The following RYR3 variants were observed in gnomAD, a reference collection of about 807,000 sequenced individuals.
RYR3 encodes the protein brain ryanodine receptor-calcium release channel.
A neutral mutation model predicts 584.3 loss-of-function variants in RYR3; 207 were observed. The observed-to-expected ratio is 0.35, with a 90% CI of 0.32 to 0.40. The LOEUF (loss-of-function observed/expected upper bound fraction) is 0.40. Among genes scored for constraint, RYR3 ranks in the 10% least tolerant of loss-of-function variants. The pLI is 1.00. For synonymous variants in RYR3, 2,416 were observed against 2,248.5 expected (o/e 1.07, Z -2.11); for missense variants, 5,616 against 6,089.2 (o/e 0.92, Z 2.59).
At chr15:33,808,175 C>T (rs757024729) in intron 70 of RYR3, among the ~76,000 whole-genome samples, 17 of 152,170 alleles carry the variant, frequency 1.1e-4, no homozygotes, top group Non-Finnish European at 2.2e-4. Context: ...CTAGGGCACA[C>T]GCAGCTCTTA....
At position 33,311,566 on chromosome 15, in the gene RYR3, AG is replaced by A. The variant is rs1435589217; in HGVS notation, c.51+476del. On this transcript the variant is annotated intron_variant, in intron 1 of 103. Coordinates refer to ENST00000634891, the MANE Select transcript of RYR3 (RefSeq NM_001036.6). This position sits in a 1 kb window ranked among gnomAD's most constrained non-coding sequence, Gnocchi z 4.4. ...ACCTCCGGGAAGGAGCCAGCGGGGC[AG>A]GGGGGAGTGTGGGGAGCCGGGTCGG... 6.6e-6 allele frequency among the ~76,000 whole-genome samples: 1 copy of A among 152,104 alleles called. No individual in the cohort carries two copies. Among genetic ancestry groups the A allele is most frequent in the Non-Finnish European group, 1.5e-5 (1 of 67,988 alleles).
chr15:33,436,399 T>C (rs1390692120), intron 1 of RYR3, among the ~76,000 whole-genome samples: 1 of 152,186 alleles, frequency 6.6e-6, no homozygotes, highest in African/African-American at 2.4e-5. Context: ...TCATACTAGT[T>C]CTTTGGACAT....
intron 1 of RYR3, among the ~76,000 whole-genome samples, chr15:33,424,956 G>A (rs984819497): frequency 6.6e-6 from 1 of 152,120 alleles, no homozygotes; most frequent in Non-Finnish European, 1.5e-5. Context: ...AAGAAAATGG[G>A]AATATGGGAA....
In RYR3 at chr15:33,711,268, G is replaced by A. The variant is rs191994729; in HGVS notation, c.6619+4214G>A. ...TTTTTTTTTTTTTTTTTTTGAGACT[G>A]AGTCTCGTTCTGTCGCCCAGGCTGG... is the stretch of plus-strand genomic sequence containing the variant. On this transcript the variant is annotated intron_variant, in intron 43 of 103. Coordinates refer to ENST00000634891, the MANE Select transcript of RYR3 (RefSeq NM_001036.6). 8.2e-3 allele frequency among the ~76,000 whole-genome samples: 854 copies of A among 104,706 alleles called. 10 individuals are homozygous for A. Among genetic ancestry groups the A allele is most frequent in the African/African-American group, 0.031 (806 of 25,874 alleles). 68.7% of individuals were successfully genotyped at this position (104,706 alleles called of 152,430 possible). A position where few individuals can be genotyped will look rare whatever the true frequency, so the allele number is the denominator to read the frequency against.
In RYR3 at chr15:33,637,104, C is replaced by T. The variant is rs552313670; in HGVS notation, c.3556+554C>T. Among the ~76,000 whole-genome samples, 9 of 152,286 alleles carry T rather than the reference C, an allele frequency of 5.9e-5. No homozygotes were observed. The South Asian group carries it at 1.7e-3, about 28-fold the overall frequency. On this transcript the variant is annotated intron_variant, in intron 27 of 103. Coordinates refer to ENST00000634891, the MANE Select transcript of RYR3 (RefSeq NM_001036.6). ...GCATTTTTTAATGTCCATGAATAGA[C>T]CACAGTCAGGGGCACGCTTCCAGCT...
intron 1 of RYR3, among the ~76,000 whole-genome samples, chr15:33,378,683 G>A (rs888588761): frequency 1.3e-5 from 2 of 152,188 alleles, no homozygotes; most frequent in African/African-American, 2.4e-5. Context: ...ATGTTTTAAG[G>A]CCATGTGCAG....
intron 48 of RYR3, among the ~76,000 whole-genome samples, chr15:33,732,278 C>T (rs1003149191): frequency 6.6e-6 from 1 of 151,222 alleles, no homozygotes; most frequent in African/African-American, 2.4e-5. Context: ...GTCCCAGCTA[C>T]TCGGGAGGCT....
chr15:33,457,264 C>T (rs146492128), intron 1 of RYR3, among the ~76,000 whole-genome samples: 96 of 152,264 alleles, frequency 6.3e-4, no homozygotes, highest in Non-Finnish European at 1.2e-3. Context: ...GACCTTGATT[C>T]TTCTTGAAAT....
rs753292597 is a variant in RYR3 at position 33,635,764 on chromosome 15, G to A, written c.3326G>A (p.Arg1109Gln). Residue 1109 changes from arginine (R) to glutamine (Q), a missense_variant, in exon 26 of 104, where the codon CGA becomes CAA. Transcript: ENST00000634891. The part of the protein sequence containing the change: ...MRVGWARPGC[R>Q]PDVELGADDQ... ...GTCGGCTGGGCGAGGCCAGGCTGTC[G>A]ACCTGATGTCGAGCTGGGGGCCGAT... The A allele has an allele frequency of 5.4e-5, 87 of 1,613,642 alleles. No homozygotes were observed. The highest frequency in any genetic ancestry group is 6.6e-5 in the Non-Finnish European group (78 of 1,179,858).
intron 38 of RYR3, among the ~76,000 whole-genome samples, chr15:33,680,711 C>T (rs1413930807): frequency 6.6e-6 from 1 of 152,158 alleles, no homozygotes; most frequent in African/African-American, 2.4e-5. Context: ...ATTTTACATT[C>T]CTGAGGAGCA....
Position 33,838,206 on chromosome 15 carries a change from G to C in RYR3, c.12226G>C (p.Gly4076Arg). 6.2e-7 allele frequency: 1 copy of C among 1,614,052 alleles called. No individual in the cohort carries two copies. The highest frequency in any genetic ancestry group is 8.5e-7 in the Non-Finnish European group (1 of 1,179,904). ...GTTCATTTTTGATGTTGTCAATGAA[G>C]GTGGGGAGCAGGAAAAGATGGAGCT... ...RQFIFDVVNE[G>R]GEQEKMELFV... Residue 4076 changes from glycine (G) to arginine (R), a missense_variant, in exon 89 of 104, where the codon GGT becomes CGT. Gly to Arg is a moderately radical substitution (Grantham distance 125, BLOSUM62 -2). This residue lies in a region of RYR3 where 258 missense variants were observed against 297.3 expected (regional missense o/e 0.87). Transcript: ENST00000634891.
intron 47 of RYR3, among the ~76,000 whole-genome samples, chr15:33,730,504 T>C (rs889269858): frequency 2.0e-5 from 3 of 152,232 alleles, no homozygotes; most frequent in Non-Finnish European, 2.9e-5. Flanking sequence ...CTGAAGTTTC[T>C]AGGAGACAAA....
At chr15:33,854,330 T>C (rs904399547) in intron 96 of RYR3, 59 bp from the exon 97 acceptor site, 26 of 1,408,476 alleles carry the variant, frequency 1.8e-5, no homozygotes, top group Non-Finnish European at 2.4e-5. Context: ...TTCCCCCTTA[T>C]TGAGCACTTA....
intron 2 of RYR3, among the ~76,000 whole-genome samples, chr15:33,500,152 A>G (rs755000492): frequency 6.6e-6 from 1 of 152,252 alleles, no homozygotes; most frequent in Non-Finnish European, 1.5e-5. Context: ...AGGGACCCAC[A>G]GTCTGGTGAA....
At chr15:33,376,349 A>G (rs1327319267) in intron 1 of RYR3, among the ~76,000 whole-genome samples, 2 of 152,180 alleles carry the variant, frequency 1.3e-5, no homozygotes, top group Non-Finnish European at 2.9e-5. Flanking sequence ...ATATCCAACA[A>G]CTTGCTTATC....
In RYR3 at chr15:33,402,020, C is replaced by T. The variant is rs1169796515; in HGVS notation, c.52-71399C>T. 2.6e-5 allele frequency among the ~76,000 whole-genome samples: 4 copies of T among 152,000 alleles called. No homozygotes were observed. The East Asian group carries it at 7.7e-4, about 29-fold the overall frequency. On this transcript the variant is annotated intron_variant, in intron 1 of 103. Coordinates refer to ENST00000634891, the MANE Select transcript of RYR3 (RefSeq NM_001036.6). Reference sequence around the variant, plus strand: ...AGACTGAGAAAGATGAGGTTCTTCCCATGATTATTATAAAATAATAGATGG... The same window carrying T: ...AGACTGAGAAAGATGAGGTTCTTCCTATGATTATTATAAAATAATAGATGG...
chr15:33,418,497 C>A (rs895907360), intron 1 of RYR3, among the ~76,000 whole-genome samples: 7 of 151,982 alleles, frequency 4.6e-5, no homozygotes, highest in African/African-American at 1.7e-4. Context: ...AATGGAAGAG[C>A]TGGACAGAGT....
rs978813595 is a variant in RYR3, at chr15:33,853,649, A to T, written c.13766A>T (p.Glu4589Val). Residue 4589 changes from glutamate (E) to valine (V), a missense_variant, in exon 96 of 104, where the codon GAG becomes GTG. Transcript: ENST00000634891. ...GCTCTTGACTTTAGCCCAGTAGAAG[A>T]GACCAAAGCAGAAGCGGCTTCTCTG... ...KNALDFSPVE[E>V]TKAEAASLVS... 1 of 1,613,932 alleles carries T rather than the reference A, an allele frequency of 6.2e-7. No individual in the cohort carries two copies. Among genetic ancestry groups the T allele is most frequent in the Non-Finnish European group, 8.5e-7 (1 of 1,179,816 alleles).
rs1567046806 is a variant in RYR3 at position 33,336,469 on chromosome 15, AG to A, written c.51+25374del. 2.2e-3 allele frequency among the ~76,000 whole-genome samples: 51 copies of A among 23,510 alleles called. 17 individuals carry two copies. Among genetic ancestry groups the A allele is most frequent in the African/African-American group, 0.016 (49 of 3,000 alleles). 15.4% of individuals were successfully genotyped at this position (23,510 alleles called of 152,430 possible). On this transcript the variant is annotated intron_variant, in intron 1 of 103. Coordinates refer to ENST00000634891, the MANE Select transcript of RYR3 (RefSeq NM_001036.6). ...GAGAGAGAGAGAGAGAGAGAGAGAG[AG>A]AGAGAGAGAGAGAGAGAAAGAAAGA...
Sources: gnomAD v4.1 joint callset for allele counts (sites outside exome capture counted in the v4.1 genomes callset) on GRCh38, gnomAD v4.1.1 for gene constraint, gnomAD v4.1.1 regional missense constraint, Gnocchi (gnomAD v3.1) non-coding constraint, MANE v1.5 for transcripts, NCBI Gene and HGNC (gene_info 2026-07-23, HGNC 2026-07-21) for gene names.